The following VTI1A variants were observed in gnomAD, a reference collection of about 807,000 sequenced individuals.
The protein encoded by VTI1A is vesicle transport through interaction with t-SNAREs homolog 1A.
In VTI1A, 22 loss-of-function variants were observed where a neutral mutation model predicts 34.9. The observed-to-expected ratio is 0.63, with a 90% CI of 0.45 to 0.90. VTI1A has a LOEUF of 0.90. Among genes scored for constraint, VTI1A ranks in the 40% least tolerant of loss-of-function variants. The pLI is 0.00. For synonymous variants in VTI1A, 87 were observed against 97.3 expected, an observed-to-expected ratio of 0.89 and a Z score of 0.62; for missense variants, 268 against 275.6, an observed-to-expected ratio of 0.97 and a Z score of 0.20.
At chr10:112,787,765 A>G (rs2134049651) in intron 7 of VTI1A, among the ~76,000 whole-genome samples, 1 of 142,276 alleles carries the variant, frequency 7.0e-6, no homozygotes, top group Admixed American at 7.3e-5. Context: ...GCAGTGGCAC[A>G]ATCTTGTCTC....
intron 5 of VTI1A, among the ~76,000 whole-genome samples, chr10:112,623,400 T>A (rs1845801669): frequency 6.6e-6 from 1 of 151,990 alleles, no homozygotes; most frequent in East Asian, 1.9e-4. Flanking sequence ...TATACGTAGA[T>A]ATATTTTTCT....
Position 112,745,633 on chromosome 10 carries a change from C to T in VTI1A, c.561-69657C>T, listed in dbSNP as rs552544517. ...GTAAATTATCCCTAACTCAGCTTCCCCTTAGCTGGATCCCAAAAGTGCTCA... is the reference window on the plus strand; with the variant it reads ...GTAAATTATCCCTAACTCAGCTTCCTCTTAGCTGGATCCCAAAAGTGCTCA... On this transcript the variant is annotated intron_variant, in intron 7 of 7. Coordinates refer to ENST00000393077, the MANE Select transcript of VTI1A (RefSeq NM_145206.4). Among the ~76,000 whole-genome samples, 9 of 152,336 alleles carry T rather than the reference C, an allele frequency of 5.9e-5. No homozygotes were observed. In the South Asian group the frequency reaches 1.7e-3, roughly 28 times the overall value.
chr10:112,559,067 C>G (rs1851631114), intron 5 of VTI1A, among the ~76,000 whole-genome samples: 1 of 152,142 alleles, frequency 6.6e-6, no homozygotes, highest in African/African-American at 2.4e-5. Context: ...CTGGCAACCT[C>G]AGATCCACCA....
chr10:112,828,210 G>A, the VTI1A span, among the ~76,000 whole-genome samples: 1 of 152,102 alleles, frequency 6.6e-6, no homozygotes, highest in Non-Finnish European at 1.5e-5. Context: ...GGTTGTTGGT[G>A]TTTAGGGTTT....
intron 7 of VTI1A, among the ~76,000 whole-genome samples, chr10:112,679,951 TGTGTATATGCATCTTTCTGG>T (rs1190677903): frequency 6.6e-6 from 1 of 152,154 alleles, no homozygotes; most frequent in Non-Finnish European, 1.5e-5. Context: ...TGTGCATATG[TGTGTATATGCATCTTTCTGG>T]GGCTTTTCCA....
chr10:112,518,668 T>C (rs75674792), intron 3 of VTI1A, among the ~76,000 whole-genome samples: 1,382 of 125,006 alleles, frequency 0.011, 30 homozygotes, highest in African/African-American at 0.031. Flanking sequence ...TATATATATA[T>C]ACACACACAC....
At chr10:112,466,353 A>C (rs1024772710) in intron 3 of VTI1A, among the ~76,000 whole-genome samples, 1 of 152,166 alleles carries the variant, frequency 6.6e-6, no homozygotes, top group Non-Finnish European at 1.5e-5. Context: ...AATGGCTACT[A>C]TCTTGATAAG....
intron 7 of VTI1A, among the ~76,000 whole-genome samples, chr10:112,716,262 G>C (rs1452985643): frequency 6.6e-6 from 1 of 152,174 alleles, no homozygotes; most frequent in Non-Finnish European, 1.5e-5. Flanking sequence ...TGGAGACACT[G>C]TCACCAGTTC....
chr10:112,536,913 T>C (rs536312611), intron 4 of VTI1A, among the ~76,000 whole-genome samples: 91 of 152,218 alleles, frequency 6.0e-4, no homozygotes, highest in African/African-American at 2.0e-3. Flanking sequence ...TCTTTGAAGA[T>C]GGAAGCGAGA....
intron 7 of VTI1A, among the ~76,000 whole-genome samples, chr10:112,745,979 C>G (rs1455457508): frequency 6.6e-6 from 1 of 152,200 alleles, no homozygotes; most frequent in African/African-American, 2.4e-5. Flanking sequence ...TAATTCATGT[C>G]TTGTATTACA....
intron 5 of VTI1A, among the ~76,000 whole-genome samples, chr10:112,624,267 C>T (rs1362051116): frequency 6.6e-6 from 1 of 152,002 alleles, no homozygotes; most frequent in Non-Finnish European, 1.5e-5. Flanking sequence ...GTTTGAGCCC[C>T]ATGATTAGTC....
At chr10:112,566,136 A>G (rs112244920) in intron 5 of VTI1A, among the ~76,000 whole-genome samples, 2,255 of 152,186 alleles carry the variant, frequency 0.015, 61 homozygotes, top group African/African-American at 0.052. Flanking sequence ...AAATTTGTGA[A>G]GTCAAAATTA....
intron 5 of VTI1A, among the ~76,000 whole-genome samples, chr10:112,556,226 A>G (rs1851539909): frequency 1.3e-5 from 2 of 151,960 alleles, no homozygotes; most frequent in South Asian, 2.1e-4. Context: ...CTATGATTCT[A>G]AAGTTTTATT....
intron 5 of VTI1A, among the ~76,000 whole-genome samples, chr10:112,650,067 C>T (rs1475589364): frequency 6.6e-6 from 1 of 152,178 alleles, no homozygotes; most frequent in African/African-American, 2.4e-5. Flanking sequence ...CTTCAACAAT[C>T]AGTTAACCTT....
At chr10:112,715,171 C>T (rs1183287686) in intron 7 of VTI1A, among the ~76,000 whole-genome samples, 5 of 151,976 alleles carry the variant, frequency 3.3e-5, no homozygotes, top group Non-Finnish European at 7.4e-5. Context: ...ACAAATTGCA[C>T]CATGTTATTC....
At chr10:112,482,560 T>G (rs1048141418) in intron 3 of VTI1A, among the ~76,000 whole-genome samples, 1 of 152,228 alleles carries the variant, frequency 6.6e-6, no homozygotes, top group African/African-American at 2.4e-5. Context: ...TACCATATTT[T>G]GGCATTTTGT....
chr10:112,532,524 A>G (rs1354182027), intron 4 of VTI1A, among the ~76,000 whole-genome samples: 2 of 152,140 alleles, frequency 1.3e-5, no homozygotes, highest in Non-Finnish European at 2.9e-5. Context: ...GAATAATGTC[A>G]AACACACACA....
intron 5 of VTI1A, among the ~76,000 whole-genome samples, chr10:112,569,423 A>C (rs184395192): frequency 6.6e-6 from 1 of 152,154 alleles, no homozygotes; most frequent in Non-Finnish European, 1.5e-5. Context: ...ACTTTTTTTC[A>C]TTATCACATG....
intron 7 of VTI1A, among the ~76,000 whole-genome samples, chr10:112,686,984 G>C (rs1848437865): frequency 6.6e-6 from 1 of 152,120 alleles, no homozygotes; most frequent in Admixed American, 6.5e-5. Flanking sequence ...TGATCATGCA[G>C]CTGAGCTGTC....
Sources: gnomAD v4.1 joint callset for allele counts (sites outside exome capture counted in the v4.1 genomes callset) on GRCh38, gnomAD v4.1.1 for gene constraint, MANE v1.5 for transcripts, NCBI Gene and HGNC (gene_info 2026-07-23, HGNC 2026-07-21) for gene names.